The following TBC1D1 variants were observed in gnomAD, a reference collection of about 807,000 sequenced individuals.
TBC1D1 encodes TBC1 (tre-2/USP6, BUB2, cdc16) domain family, member 1.
Under a neutral mutation model 125.6 loss-of-function variants are expected in TBC1D1, and 89 were observed. That is an observed-to-expected ratio of 0.71 (90% CI 0.60 to 0.85). The LOEUF is 0.85. Ranked by LOEUF, TBC1D1 falls within the 40% of genes least tolerant of loss-of-function variation. TBC1D1 has a pLI of 0.00. For missense variants in TBC1D1, 1,377 were observed against 1,469.2 expected, an observed-to-expected ratio of 0.94 and a Z score of 1.03; for synonymous variants, 565 against 564.1, an observed-to-expected ratio of 1.00 and a Z score of -0.02.
intron 2 of TBC1D1, among the ~76,000 whole-genome samples, chr4:37,906,301 T>C (rs1485456727): frequency 6.6e-6 from 1 of 152,028 alleles, no homozygotes; most frequent in Non-Finnish European, 1.5e-5. Context: ...GTACACATGA[T>C]CGTGCCTGGC....
rs762281607 is a variant in TBC1D1 at position 38,133,292 on chromosome 4, C to A, written c.3306+35C>A. ...ATTTATAAAGCAGCTTCCTGAATCA[C>A]AAATATATGGTAGTTCATTAACTCA... On this transcript the variant is annotated intron_variant, in intron 19 of 19. Coordinates refer to ENST00000261439, the MANE Select transcript of TBC1D1 (RefSeq NM_015173.4). 4 of 1,592,204 alleles carry A rather than the reference C, an allele frequency of 2.5e-6. No individual in the cohort carries two copies. The East Asian group carries it at 6.7e-5, about 27-fold the overall frequency.
intron 11 of TBC1D1, among the ~76,000 whole-genome samples, chr4:38,052,333 T>C (rs1362767367): frequency 1.6e-4 from 23 of 140,124 alleles, no homozygotes; most frequent in Admixed American, 1.6e-3. Flanking sequence ...GTGTTTGTGT[T>C]TGTTTTTTTT....
chr4:38,128,590 TATAG>T (rs1765049329), intron 18 of TBC1D1, among the ~76,000 whole-genome samples: 3 of 152,224 alleles, frequency 2.0e-5, no homozygotes, highest in African/African-American at 7.2e-5. Flanking sequence ...GCCTTCCCTG[TATAG>T]ATAGTCTCAG....
intron 2 of TBC1D1, among the ~76,000 whole-genome samples, chr4:37,969,124 T>C (rs1031815477): frequency 2.6e-5 from 4 of 152,244 alleles, no homozygotes; most frequent in Non-Finnish European, 2.9e-5. Context: ...TTCTCTGATC[T>C]TAACTGTGTG....
intron 2 of TBC1D1, among the ~76,000 whole-genome samples, chr4:37,996,832 G>A (rs542565401): frequency 6.6e-6 from 1 of 152,102 alleles, no homozygotes; most frequent in African/African-American, 2.4e-5. Context: ...TGCAAGTTGC[G>A]GGCTGCACAA....
At chr4:37,962,640 A>T (rs1488985651) in intron 2 of TBC1D1, among the ~76,000 whole-genome samples, 1 of 152,234 alleles carries the variant, frequency 6.6e-6, no homozygotes, top group Non-Finnish European at 1.5e-5. Flanking sequence ...AACCTCTCAG[A>T]CTTCAGTTTC....
intron 6 of TBC1D1, among the ~76,000 whole-genome samples, chr4:38,024,092 C>T (rs1475274096): frequency 6.6e-6 from 1 of 152,118 alleles, no homozygotes; most frequent in Non-Finnish European, 1.5e-5. Context: ...ATCTTAAGGT[C>T]TGGGAAGGGT....
intron 2 of TBC1D1, among the ~76,000 whole-genome samples, chr4:37,922,573 T>TCAGA (rs1721238829): frequency 6.6e-6 from 1 of 152,230 alleles, no homozygotes; most frequent in Non-Finnish European, 1.5e-5. Flanking sequence ...TCATCTGTAC[T>TCAGA]CGTCTGAGAC....
chr4:37,905,756 A>G lies in TBC1D1; in HGVS notation c.417+3244A>G, dbSNP rs1015137664. 7.9e-5 allele frequency among the ~76,000 whole-genome samples: 12 copies of G among 152,246 alleles called. 1 individual carries two copies. The highest frequency in any genetic ancestry group is 4.6e-4 in the Admixed American group (7 of 15,286). On this transcript the variant is annotated intron_variant, in intron 2 of 19. Coordinates refer to ENST00000261439, the MANE Select transcript of TBC1D1 (RefSeq NM_015173.4). ...CCTTGACCAGTCCACTTTCGCTTTGACTGGACCACTTCTGCTCTCAGTAGC... is the reference window on the plus strand; with the variant it reads ...CCTTGACCAGTCCACTTTCGCTTTGGCTGGACCACTTCTGCTCTCAGTAGC...
At chr4:38,125,195 C>T in intron 18 of TBC1D1, 64 bp downstream of exon 20, 1 of 1,515,532 alleles carries the variant, frequency 6.6e-7, no homozygotes, top group African/African-American at 1.4e-5. Context: ...ACTTAAATCT[C>T]TCTTGAGCAG....
chr4:37,974,470 C>G (rs1227613043), intron 2 of TBC1D1, among the ~76,000 whole-genome samples: 2 of 152,180 alleles, frequency 1.3e-5, no homozygotes, highest in Non-Finnish European at 2.9e-5. Flanking sequence ...AACTCCTGAG[C>G]TCAAGTGATC....
In TBC1D1 at chr4:38,035,572, G is replaced by C. The variant is rs1313390160; in HGVS notation, c.1303-16G>C. On this transcript the variant is annotated splice_polypyrimidine_tract_variant and intron_variant, in intron 7 of 19. Coordinates refer to ENST00000261439, the MANE Select transcript of TBC1D1 (RefSeq NM_015173.4). ...ACGATTAAAAATAAATCCTGTTTCTGATTTTTGTTTTAAAGAAATTGAGAC... is the reference window on the plus strand; with the variant it reads ...ACGATTAAAAATAAATCCTGTTTCTCATTTTTGTTTTAAAGAAATTGAGAC... 1 of 1,598,848 alleles carries C rather than the reference G, an allele frequency of 6.3e-7. No individual in the cohort carries two copies. The highest frequency in any genetic ancestry group is 1.3e-5 in the African/African-American group (1 of 74,450).
At chr4:37,902,775 T>C (rs1377308430) in intron 2 of TBC1D1, among the ~76,000 whole-genome samples, 1 of 152,200 alleles carries the variant, frequency 6.6e-6, no homozygotes, top group East Asian at 1.9e-4. Context: ...AGAGCAGAAG[T>C]GTTAAGATGT....
chr4:38,062,088 G>T (rs1752872867), intron 12 of TBC1D1, among the ~76,000 whole-genome samples: 1 of 152,114 alleles, frequency 6.6e-6, no homozygotes, highest in Non-Finnish European at 1.5e-5. Context: ...TGGGGATGGG[G>T]TCTGGGCCTG....
chr4:37,902,152 G>A lies in TBC1D1; in HGVS notation c.57G>A (p.Val19=). Residue 19 remains valine (V), a synonymous_variant, in exon 2 of 20, where the codon GTG becomes GTA. Transcript: ENST00000261439. ...ATCTGCTTTCTAACGAGGTCTCGGT[G>A]GATTTTGGCCTGCAGCTGGTGGGCT... 2 of 1,613,352 alleles carry A rather than the reference G, an allele frequency of 1.2e-6. No individual in the cohort carries two copies. The highest frequency in any genetic ancestry group is 2.2e-5 in the South Asian group (2 of 91,060).
At chr4:37,963,871 C>A (rs13109321) in intron 2 of TBC1D1, among the ~76,000 whole-genome samples, 1 of 152,050 alleles carries the variant, frequency 6.6e-6, no homozygotes, top group Non-Finnish European at 1.5e-5. Flanking sequence ...TGCTCTTTTT[C>A]CCCCCAATGG....
intron 3 of TBC1D1, among the ~76,000 whole-genome samples, chr4:38,017,984 TA>T (rs1339585279): frequency 3.9e-5 from 6 of 152,224 alleles, no homozygotes; most frequent in Non-Finnish European, 8.8e-5. Context: ...AACAATAATT[TA>T]AAAAGACTTG....
rs61499918 is a variant in TBC1D1, at chr4:38,107,601, T to TTTG, written c.2557+4444_2557+4445insTTG. Among the ~76,000 whole-genome samples the TTTG allele has an allele frequency of 6.1e-4, 80 of 131,924 alleles. No homozygotes were observed. The East Asian group carries it at 8.9e-3, about 15-fold the overall frequency. The allele number at this position is 131,924 out of a possible 152,430, so 86.5% of individuals were successfully genotyped here. ...GGTTTTTTTTTTTTTTTTTTTTTTTTGGCAATGTGTTTTCCTCCAAAGAGT... is the reference window on the plus strand; with the variant it reads ...GGTTTTTTTTTTTTTTTTTTTTTTTTTTGGGCAATGTGTTTTCCTCCAAAGAGT... On this transcript the variant is annotated intron_variant, in intron 15 of 19. Coordinates refer to ENST00000261439, the MANE Select transcript of TBC1D1 (RefSeq NM_015173.4).
chr4:38,102,857 G>GGTGAC, intron 14 of TBC1D1, 142 bp from the exon 17 acceptor site: 1 of 922,182 alleles, frequency 1.1e-6, no homozygotes, highest in Non-Finnish European at 1.6e-6. Context: ...CTGCAGCTCG[G>GGTGAC]GTGACAAAGC....
Sources: gnomAD v4.1 joint callset for allele counts (sites outside exome capture counted in the v4.1 genomes callset) on GRCh38, gnomAD v4.1.1 for gene constraint, MANE v1.5 for transcripts, NCBI Gene and HGNC (gene_info 2026-07-23, HGNC 2026-07-21) for gene names.